Variants in SCHIP1 observed in about 807,000 individuals in gnomAD.
The protein encoded by SCHIP1 is schwannomin-interacting protein 1.
In SCHIP1, 8 loss-of-function variants were observed where a neutral mutation model predicts 29.7. The observed-to-expected ratio is 0.27, with a 90% CI of 0.16 to 0.49. The LOEUF (loss-of-function observed/expected upper bound fraction) is 0.49. SCHIP1 is among the 20% of genes least tolerant of loss of function. The pLI is 0.99. For synonymous variants in SCHIP1, 76 were observed against 94.9 expected, an observed-to-expected ratio of 0.80 and a Z score of 1.16; for missense variants, 193 against 294.6, an observed-to-expected ratio of 0.66 and a Z score of 2.52.
chr3:159,864,221 C>T (rs1324515090), intron 1 of SCHIP1, among the ~76,000 whole-genome samples: 1 of 152,034 alleles, frequency 6.6e-6, no homozygotes, highest in East Asian at 1.9e-4. Flanking sequence ...TTTGGCTGGA[C>T]CATCCCAAGT....
At chr3:159,848,719 G>A (rs2109080168) in intron 1 of SCHIP1, among the ~76,000 whole-genome samples, 1 of 151,972 alleles carries the variant, frequency 6.6e-6, no homozygotes, top group Middle Eastern at 3.4e-3. Flanking sequence ...GGGACTGGAG[G>A]GCTTACATTT....
chr3:159,563,203 GAATGT>G, the SCHIP1 span, among the ~76,000 whole-genome samples: 1 of 152,116 alleles, frequency 6.6e-6, no homozygotes. Context: ...AGACCCCTAT[GAATGT>G]AATACTTACA....
At chr3:159,549,770 A>G in the SCHIP1 span, among the ~76,000 whole-genome samples, 1 of 152,130 alleles carries the variant, frequency 6.6e-6, no homozygotes, top group Non-Finnish European at 1.5e-5. Flanking sequence ...TCTCAGGTTA[A>G]AAGCCATAAA....
the SCHIP1 span, among the ~76,000 whole-genome samples, chr3:159,816,677 A>G: frequency 6.6e-6 from 1 of 152,204 alleles, no homozygotes. Flanking sequence ...CCTCAGGGTA[A>G]AGCCTAACAT....
At chr3:159,464,099 T>C in the SCHIP1 span, among the ~76,000 whole-genome samples, 1 of 152,178 alleles carries the variant, frequency 6.6e-6, no homozygotes, top group Non-Finnish European at 1.5e-5. Context: ...ATAGAATTAC[T>C]AGGTCAAAAA....
At chr3:159,740,771 GAAA>G in the SCHIP1 span, among the ~76,000 whole-genome samples, 280 of 104,916 alleles carry the variant, frequency 2.7e-3, 2 homozygotes, top group African/African-American at 9.9e-3. Context: ...CAAAAAAAAA[GAAA>G]AAAAAAAAAA....
At chr3:159,893,764 G>A (rs1447086654) in intron 6 of SCHIP1, 5 of 152,116 alleles carry the variant, frequency 3.3e-5, no homozygotes, top group African/African-American at 4.8e-5. Flanking sequence ...ATTTAAAGGT[G>A]TTGGAGGCAT....
the SCHIP1 span, among the ~76,000 whole-genome samples, chr3:159,499,717 C>A: frequency 1.3e-5 from 2 of 152,202 alleles, no homozygotes; most frequent in East Asian, 1.9e-4. Flanking sequence ...ATAATCATAG[C>A]TACCAATTTC....
the SCHIP1 span, among the ~76,000 whole-genome samples, chr3:159,351,045 T>C: frequency 6.6e-6 from 1 of 152,204 alleles, no homozygotes; most frequent in Non-Finnish European, 1.5e-5. Context: ...TGAAATTCAT[T>C]CTCTGGGTAA....
the SCHIP1 span, among the ~76,000 whole-genome samples, chr3:159,451,901 C>T: frequency 6.6e-6 from 1 of 152,076 alleles, no homozygotes; most frequent in African/African-American, 2.4e-5. Flanking sequence ...GATTAGGGTC[C>T]ATACTGAAAA....
chr3:159,461,065 A>T, the SCHIP1 span, among the ~76,000 whole-genome samples: 9 of 151,784 alleles, frequency 5.9e-5, no homozygotes, highest in Non-Finnish European at 8.8e-5. Context: ...TTCCAGGCCA[A>T]CACTTCTGAC....
chr3:159,411,244 A>C, the SCHIP1 span, among the ~76,000 whole-genome samples: 16 of 152,152 alleles, frequency 1.1e-4, no homozygotes, highest in African/African-American at 3.9e-4. Flanking sequence ...AATTAACAAT[A>C]ATTTGTTGGA....
At chr3:159,569,169 GGTT>G in the SCHIP1 span, among the ~76,000 whole-genome samples, 4 of 151,534 alleles carry the variant, frequency 2.6e-5, no homozygotes, top group African/African-American at 9.7e-5. Context: ...TCCAATTACT[GGTT>G]TTTTTTTAAA....
the SCHIP1 span, among the ~76,000 whole-genome samples, chr3:159,805,641 G>T: frequency 2.0e-4 from 31 of 152,088 alleles, no homozygotes; most frequent in East Asian, 5.4e-3. Context: ...TGAGGGTGGG[G>T]CCTAAGTGCA....
the SCHIP1 span, among the ~76,000 whole-genome samples, chr3:159,346,963 T>C: frequency 6.6e-6 from 1 of 152,288 alleles, no homozygotes; most frequent in Middle Eastern, 3.4e-3. Flanking sequence ...GATCCACTCA[T>C]AGTGGCAGTC....
At chr3:159,609,875 G>A in the SCHIP1 span, among the ~76,000 whole-genome samples, 1 of 152,048 alleles carries the variant, frequency 6.6e-6, no homozygotes, top group Admixed American at 6.6e-5. Flanking sequence ...ACCACAGCAA[G>A]CAGAGAGGGA....
the SCHIP1 span, among the ~76,000 whole-genome samples, chr3:159,342,394 A>G: frequency 6.6e-6 from 1 of 152,220 alleles, no homozygotes; most frequent in Non-Finnish European, 1.5e-5. Context: ...CTCCTGGAAA[A>G]AAGAAATTGT....
At chr3:159,729,296 C>G in the SCHIP1 span, among the ~76,000 whole-genome samples, 1 of 152,150 alleles carries the variant, frequency 6.6e-6, no homozygotes, top group Non-Finnish European at 1.5e-5. Context: ...ATACAAAAAG[C>G]CTTCCCAATA....
chr3:159,892,752 T>G (rs1717669990), intron 6 of SCHIP1: 1 of 154,368 alleles, frequency 6.5e-6, no homozygotes, highest in Non-Finnish European at 1.4e-5. Flanking sequence ...AATGCTTCCC[T>G]CCCTAGGGGA....
Sources: gnomAD v4.1 joint callset for allele counts (sites outside exome capture counted in the v4.1 genomes callset) on GRCh38, gnomAD v4.1.1 for gene constraint, MANE v1.5 for transcripts, NCBI Gene and HGNC (gene_info 2026-07-23, HGNC 2026-07-21) for gene names.